Variants in GRAMD1B observed in about 807,000 individuals in gnomAD.
The protein encoded by GRAMD1B is protein Aster-B.
In GRAMD1B, 37 loss-of-function variants were observed where a neutral mutation model predicts 99.7. That is an observed-to-expected ratio of 0.37 (90% CI 0.29 to 0.49). GRAMD1B has a LOEUF of 0.49. GRAMD1B is among the 20% of genes least tolerant of loss of function. GRAMD1B has a pLI of 0.98. For synonymous variants in GRAMD1B, 427 were observed against 387.6 expected (o/e 1.10, Z -1.19); for missense variants, 888 against 1,009.2 (o/e 0.88, Z 1.63).
intron 2 of GRAMD1B, among the ~76,000 whole-genome samples, chr11:123,540,280 G>A (rs938065134): frequency 6.6e-6 from 1 of 151,062 alleles, no homozygotes; most frequent in African/African-American, 2.4e-5. Flanking sequence ...GAATTTCACT[G>A]TGTTGCCCAA....
chr11:123,560,073 C>CG (rs953954108), intron 2 of GRAMD1B, among the ~76,000 whole-genome samples: 19 of 150,874 alleles, frequency 1.3e-4, no homozygotes, highest in Admixed American at 3.9e-4. Context: ...TAACCCCCCC[C>CG]CCCGCAGCCC....
chr11:123,616,139 T>C (rs1275072), intron 17 of GRAMD1B, among the ~76,000 whole-genome samples: 50,669 of 151,756 alleles, frequency 0.33, 9,753 homozygotes, highest in South Asian at 0.5. Context: ...CTGGCTAACA[T>C]GGTGAAACCC....
Position 123,622,492 on chromosome 11 carries a change from T to A in GRAMD1B, c.2545-14T>A, listed in dbSNP as rs777084857. Reference sequence around the variant, plus strand: ...CGCAGACCCAGGCCTGGGGTGGGGTTTTCTGTCTTGCAGATGAAGGACTCG... The same window carrying A: ...CGCAGACCCAGGCCTGGGGTGGGGTATTCTGTCTTGCAGATGAAGGACTCG... On this transcript the variant is annotated splice_polypyrimidine_tract_variant and intron_variant, in intron 19 of 19. Transcript: ENST00000635736. 7 of 1,522,226 alleles carry A rather than the reference T, an allele frequency of 4.6e-6. No homozygotes were observed. The allele number at this position is 1,522,226 out of a possible 1,614,324, so 94.3% of individuals were successfully genotyped here.
intron 7 of GRAMD1B, chr11:123,598,989 G>C (rs1473368534): frequency 8.5e-6 from 9 of 1,064,914 alleles, no homozygotes; most frequent in Non-Finnish European, 1.2e-5. Flanking sequence ...CAGCTTCTCA[G>C]ATGCCTTCAG....
At chr11:123,435,533 A>C in intron 1 of GRAMD1B, 1 of 687,120 alleles carries the variant, frequency 1.5e-6, no homozygotes, top group South Asian at 1.5e-5. Context: ...AAGTGGAACA[A>C]ATGGTAAAGA....
intron 1 of GRAMD1B, among the ~76,000 whole-genome samples, chr11:123,433,302 C>T (rs1244604349): frequency 6.6e-6 from 1 of 152,090 alleles, no homozygotes; most frequent in Non-Finnish European, 1.5e-5. Context: ...TGCTTGAACC[C>T]GGGAGGTGGA....
rs76348135 is a variant in GRAMD1B, at chr11:123,527,425, T to C, written c.452+46532T>C. ...AGAAGGCAAAGGGAGGTGCTTAGTT[T>C]CTGCAAGTGTAACTCTCAAGAACTG... On this transcript the variant is annotated intron_variant, in intron 2 of 19. Coordinates refer to ENST00000635736, the MANE Select transcript of GRAMD1B (RefSeq NM_001387025.1). 3.1e-3 allele frequency among the ~76,000 whole-genome samples: 474 copies of C among 152,306 alleles called. 1 individual carries two copies. Among genetic ancestry groups the C allele is most frequent in the African/African-American group, 0.011 (451 of 41,562 alleles).
At chr11:123,604,021 G>A (rs1388518147) in intron 9 of GRAMD1B, among the ~76,000 whole-genome samples, 1 of 152,174 alleles carries the variant, frequency 6.6e-6, no homozygotes, top group Non-Finnish European at 1.5e-5. Flanking sequence ...GATTTTTTCG[G>A]TTTTACTGCC....
chr11:123,552,020 C>T (rs988234958), intron 2 of GRAMD1B, among the ~76,000 whole-genome samples: 1 of 152,068 alleles, frequency 6.6e-6, no homozygotes, highest in South Asian at 2.1e-4. Flanking sequence ...TTTTTTCCTC[C>T]CCAGGAATCA....
chr11:123,512,521 G>A (rs76789892), intron 2 of GRAMD1B, among the ~76,000 whole-genome samples: 1,914 of 152,208 alleles, frequency 0.013, 48 homozygotes, highest in African/African-American at 0.043. Context: ...AGCATCAGAT[G>A]TTAGAGACGA....
chr11:123,378,176 C>T (rs904939873), intron 1 of GRAMD1B, among the ~76,000 whole-genome samples: 5 of 152,182 alleles, frequency 3.3e-5, no homozygotes, highest in African/African-American at 1.2e-4. Flanking sequence ...GGCTTGAAGA[C>T]ATTGATTAAC....
chr11:123,612,664 G>A, intron 14 of GRAMD1B, 97 bp from the exon 15 acceptor site: 1 of 732,448 alleles, frequency 1.4e-6, no homozygotes, highest in Non-Finnish European at 2.5e-6. Flanking sequence ...TAGTACAAAT[G>A]TGAAGCGGAT....
At chr11:123,396,455 T>A (rs1289563812) in intron 1 of GRAMD1B, among the ~76,000 whole-genome samples, 1 of 152,132 alleles carries the variant, frequency 6.6e-6, no homozygotes, top group African/African-American at 2.4e-5. Context: ...TTTGTATTTT[T>A]AGTAGAGATG....
At chr11:123,401,084 A>G (rs1781632633) in intron 1 of GRAMD1B, among the ~76,000 whole-genome samples, 1 of 152,264 alleles carries the variant, frequency 6.6e-6, no homozygotes, top group Middle Eastern at 3.4e-3. Context: ...CTAAACAACC[A>G]TATGAAGTAG....
At chr11:123,616,345 G>A (rs972610082) in intron 17 of GRAMD1B, among the ~76,000 whole-genome samples, 1 of 152,130 alleles carries the variant, frequency 6.6e-6, no homozygotes, top group Non-Finnish European at 1.5e-5. Flanking sequence ...GTAAATAAAA[G>A]TAGCTGTAAA....
chr11:123,431,674 A>C (rs1167405290), intron 1 of GRAMD1B, among the ~76,000 whole-genome samples: 2 of 152,188 alleles, frequency 1.3e-5, no homozygotes, highest in African/African-American at 4.8e-5. Context: ...GCCACACCGG[A>C]TTGCCTTAAC....
intron 2 of GRAMD1B, among the ~76,000 whole-genome samples, chr11:123,525,448 CCT>C (rs1301927758): frequency 2.6e-5 from 4 of 152,104 alleles, no homozygotes; most frequent in Non-Finnish European, 5.9e-5. Context: ...CATTTTAACC[CCT>C]GAGTGGATGC....
rs1953842956 is a variant in GRAMD1B, at chr11:123,613,215, T to A, written c.2024-240T>A. The A allele has an allele frequency of 1.1e-5, 6 of 570,518 alleles. No individual in the cohort carries two copies. The South Asian group carries it at 1.4e-4, about 13-fold the overall frequency. 35.3% of individuals were successfully genotyped at this position (570,518 alleles called of 1,614,324 possible). Reference sequence around the variant, plus strand: ...TATTTAAGACGTGTATGCCCCAAATTGTATACATGAGGGTGCAGATATTGG... The same window carrying A: ...TATTTAAGACGTGTATGCCCCAAATAGTATACATGAGGGTGCAGATATTGG... On this transcript the variant is annotated intron_variant, in intron 15 of 19. Transcript: ENST00000635736.
chr11:123,544,807 G>A (rs900019047), intron 2 of GRAMD1B, among the ~76,000 whole-genome samples: 3 of 152,258 alleles, frequency 2.0e-5, no homozygotes, highest in African/African-American at 4.8e-5. Context: ...CTCTGGATAG[G>A]CTGAGCTGGC....
Sources: gnomAD v4.1 joint callset for allele counts (sites outside exome capture counted in the v4.1 genomes callset) on GRCh38, gnomAD v4.1.1 for gene constraint, MANE v1.5 for transcripts, NCBI Gene and HGNC (gene_info 2026-07-23, HGNC 2026-07-21) for gene names.